Variants in ZNF143 observed in about 807,000 individuals in gnomAD.
The protein encoded by ZNF143 is SPH-binding factor.
ZNF143 carries 49 observed loss-of-function variants against 74.1 expected under a neutral mutation model. The observed-to-expected ratio is 0.66, with a 90% CI of 0.53 to 0.84. The LOEUF is 0.84. Ranked by LOEUF, ZNF143 falls within the 40% of genes least tolerant of loss-of-function variation. The pLI is 0.00. For missense variants in ZNF143, 637 were observed against 793.4 expected (o/e 0.80, Z 2.37); for synonymous variants, 304 against 282.8 (o/e 1.07, Z -0.75).
In ZNF143 at chr11:9,512,735, C is replaced by G. The variant is rs1057197141; in HGVS notation, c.1524+139C>G. On this transcript the variant is annotated intron_variant, in intron 13 of 15. Transcript: ENST00000396602. ...AACCCTGAGGTTTTTCAGTAGTCTG[C>G]TTACAGAGACTACGTGCAGAGAGAT... The G allele has an allele frequency of 3.3e-5, 29 of 888,108 alleles. No individual in the cohort carries two copies. The Admixed American group carries it at 5.0e-4, about 15-fold the overall frequency. The allele number at this position is 888,108 out of a possible 1,614,324, so 55.0% of individuals were successfully genotyped here.
rs144917874 is a variant in ZNF143 at position 9,493,563 on chromosome 11, A to G, written c.646-1083A>G. 8.6e-4 allele frequency among the ~76,000 whole-genome samples: 131 copies of G among 152,210 alleles called. 3 individuals carry two copies. In the East Asian group the frequency reaches 0.02, roughly 23 times the overall value. On this transcript the variant is annotated intron_variant, in intron 7 of 15. Coordinates refer to ENST00000396602, the MANE Select transcript of ZNF143 (RefSeq NM_003442.6). ...CAAGGAAAAGTCAAAGTCTTTCTATATTCTTGTCATCTAATGCAGGGTACT... is the reference window on the plus strand; with the variant it reads ...CAAGGAAAAGTCAAAGTCTTTCTATGTTCTTGTCATCTAATGCAGGGTACT...
intron 5 of ZNF143, among the ~76,000 whole-genome samples, chr11:9,476,879 C>T (rs1294560026): frequency 1.4e-5 from 2 of 145,996 alleles, no homozygotes; most frequent in African/African-American, 5.0e-5. Context: ...CCTGCCTCAG[C>T]CTTCGGAGTA....
At chr11:9,471,543 G>T in intron 2 of ZNF143, 123 bp downstream of exon 2, 1 of 612,688 alleles carries the variant, frequency 1.6e-6, no homozygotes, top group Non-Finnish European at 2.6e-6. Flanking sequence ...TTTTTATGAG[G>T]TGTTTTGGTG....
rs747921777 is a variant in ZNF143, at chr11:9,471,441, G to C, written c.112+21G>C. The C allele has an allele frequency of 3.3e-6, 5 of 1,512,354 alleles. No homozygotes were observed. The African/African-American group carries it at 5.7e-5, about 17-fold the overall frequency. The allele number at this position is 1,512,354 out of a possible 1,614,324, so 93.7% of individuals were successfully genotyped here. A position where few individuals can be genotyped will look rare whatever the true frequency, so the allele number is the denominator to read the frequency against. ...GGCAGGTGAGCAGTTGTGTTTGAAG[G>C]GATGCGTTTGAAAATATCATTTATC... On this transcript the variant is annotated intron_variant, in intron 2 of 15. Transcript: ENST00000396602.
chr11:9,488,204 T>G (rs1053993835), intron 7 of ZNF143, among the ~76,000 whole-genome samples: 1 of 152,150 alleles, frequency 6.6e-6, no homozygotes, highest in Non-Finnish European at 1.5e-5. Flanking sequence ...GACCTGAGAT[T>G]GCACCACTGC....
intron 11 of ZNF143, among the ~76,000 whole-genome samples, chr11:9,502,976 G>T (rs1465258719): frequency 6.6e-6 from 1 of 151,926 alleles, no homozygotes; most frequent in African/African-American, 2.4e-5. Flanking sequence ...GACTATAGGC[G>T]CCTGCCACCA....
In ZNF143 at chr11:9,472,744, T is replaced by C. The variant is rs534943871; in HGVS notation, c.180T>C (p.Thr60=). The change falls in exon 3 of 16, where the codon ACT becomes ACC. Residue 60 remains threonine, a synonymous_variant. Transcript: ENST00000396602. The part of the protein sequence containing the change: ...LQAVTLADGS[T]AYIQHNSKDA... ...CAGTAACACTTGCAGATGGTTCTAC[T>C]GCTTACATACAACACAATTCTAAAG... The C allele has an allele frequency of 6.3e-7, 1 of 1,597,710 alleles. No individual in the cohort carries two copies. The highest frequency in any genetic ancestry group is 2.2e-5 in the East Asian group (1 of 44,674).
At chr11:9,485,347 C>CTTTTTT (rs544497040) in intron 7 of ZNF143, among the ~76,000 whole-genome samples, 47 of 110,424 alleles carry the variant, frequency 4.3e-4, no homozygotes, top group Non-Finnish European at 5.6e-4. Flanking sequence ...TTCTCTCTCT[C>CTTTTTT]TTTTTTTTTT....
Position 9,525,232 on chromosome 11 carries a change from T to G in ZNF143, c.1687-8T>G. On this transcript the variant is annotated splice_region_variant and splice_polypyrimidine_tract_variant and intron_variant, in intron 14 of 15. Coordinates refer to ENST00000396602, the MANE Select transcript of ZNF143 (RefSeq NM_003442.6). ...TTTATGTGTATGGTTTGTTTTGTTT[T>G]GCTTAAGGTTGCAATTGTAGCTCAA... 1 of 1,614,096 alleles carries G rather than the reference T, an allele frequency of 6.2e-7. No homozygotes were observed. The highest frequency in any genetic ancestry group is 8.5e-7 in the Non-Finnish European group (1 of 1,179,970).
intron 4 of ZNF143, 22 bp downstream of exon 4, chr11:9,474,046 A>G (rs1025662743): frequency 6.4e-7 from 1 of 1,562,336 alleles, no homozygotes; most frequent in African/African-American, 1.4e-5. Flanking sequence ...AGATAACAGC[A>G]CGGGAAACCA....
At chr11:9,461,534 C>G (rs1429230176) in intron 1 of ZNF143, 1 of 152,166 alleles carries the variant, frequency 6.6e-6, no homozygotes, top group Non-Finnish European at 1.5e-5. Context: ...GCGGGGGCGC[C>G]GGGGACAGGG....
intron 7 of ZNF143, among the ~76,000 whole-genome samples, chr11:9,480,500 T>C (rs1260917238): frequency 6.6e-6 from 1 of 152,158 alleles, no homozygotes; most frequent in Admixed American, 6.6e-5. Context: ...CTTAGTGACA[T>C]TGAGTGATAC....
At chr11:9,494,536 C>T in intron 7 of ZNF143, 110 bp from the exon 8 acceptor site, 1 of 1,096,210 alleles carries the variant, frequency 9.1e-7, no homozygotes, top group Non-Finnish European at 1.3e-6. Flanking sequence ...CTCTTGAACT[C>T]CTGGGCTCAA....
At chr11:9,489,156 C>G (rs1847674365) in intron 7 of ZNF143, among the ~76,000 whole-genome samples, 1 of 152,072 alleles carries the variant, frequency 6.6e-6, no homozygotes, top group South Asian at 2.1e-4. Flanking sequence ...GGTGTTTGTA[C>G]AGGTATTCAT....
chr11:9,491,922 G>T (rs1847796221), intron 7 of ZNF143, among the ~76,000 whole-genome samples: 1 of 151,866 alleles, frequency 6.6e-6, no homozygotes, highest in Non-Finnish European at 1.5e-5. Flanking sequence ...GAGCCACTGT[G>T]CCCAGCCTAC....
At chr11:9,472,931 T>C (rs890447779) in intron 3 of ZNF143, among the ~76,000 whole-genome samples, 162 bp downstream of exon 3, 1 of 151,348 alleles carries the variant, frequency 6.6e-6, no homozygotes, top group African/African-American at 2.4e-5. Flanking sequence ...TTTTTTTTTT[T>C]ATAATTTGGA....
chr11:9,461,422 G>T (rs1202557502), intron 1 of ZNF143, among the ~76,000 whole-genome samples: 1 of 152,148 alleles, frequency 6.6e-6, no homozygotes, highest in African/African-American at 2.4e-5. Flanking sequence ...AGCCTTGGCC[G>T]CGTTTCTCGG....
At chr11:9,485,204 C>T (rs978449212) in intron 7 of ZNF143, among the ~76,000 whole-genome samples, 16 of 151,148 alleles carry the variant, frequency 1.1e-4, no homozygotes, top group African/African-American at 3.7e-4. Flanking sequence ...ATCTATTTTA[C>T]ATATTTTTAA....
At chr11:9,509,687 C>T (rs562290727) in intron 12 of ZNF143, among the ~76,000 whole-genome samples, 1 of 152,250 alleles carries the variant, frequency 6.6e-6, no homozygotes, top group East Asian at 1.9e-4. Context: ...AGGGAAAGAA[C>T]AGATCATCTG....
Sources: gnomAD v4.1 joint callset for allele counts (sites outside exome capture counted in the v4.1 genomes callset) on GRCh38, gnomAD v4.1.1 for gene constraint, MANE v1.5 for transcripts, NCBI Gene and HGNC (gene_info 2026-07-23, HGNC 2026-07-21) for gene names.